Variants in ROBO2 observed in about 807,000 individuals in gnomAD.
ROBO2 encodes roundabout guidance receptor 2, also known as roundabout homolog 2.
ROBO2 carries 53 observed loss-of-function variants against 160.8 expected under a neutral mutation model. The observed-to-expected ratio is 0.33, with a 90% CI of 0.26 to 0.41. ROBO2 has a LOEUF of 0.41. Ranked by LOEUF, ROBO2 falls within the 10% of genes least tolerant of loss-of-function variation. The pLI is 1.00. For missense variants in ROBO2, 1,577 were observed against 1,722.4 expected (o/e 0.92, Z 1.49); for synonymous variants, 664 against 611.7 (o/e 1.09, Z -1.26).
chr3:76,224,294 C>T (rs749006642), intron 2 of ROBO2, among the ~76,000 whole-genome samples: 6 of 152,136 alleles, frequency 3.9e-5, no homozygotes, highest in Non-Finnish European at 5.9e-5. Flanking sequence ...ATCTGAAAAC[C>T]GAGAGAGTTA....
At chr3:76,603,878 A>G (rs923444436) in intron 2 of ROBO2, among the ~76,000 whole-genome samples, 1 of 152,184 alleles carries the variant, frequency 6.6e-6, no homozygotes, top group Non-Finnish European at 1.5e-5. Flanking sequence ...AATTAAATAT[A>G]CATATATATT....
At chr3:77,084,634 G>A (rs114506111) in intron 1 of ROBO2, among the ~76,000 whole-genome samples, 70 of 152,082 alleles carry the variant, frequency 4.6e-4, no homozygotes, top group African/African-American at 1.6e-3. Context: ...TAATAACCTG[G>A]GGAAACCTGG....
chr3:76,310,210 T>C (rs147676706), intron 2 of ROBO2, among the ~76,000 whole-genome samples: 87 of 152,318 alleles, frequency 5.7e-4, no homozygotes, highest in African/African-American at 2.1e-3. Context: ...AACCATACCT[T>C]GTGACCAGCA....
intron 2 of ROBO2, among the ~76,000 whole-genome samples, chr3:76,255,216 C>A: frequency 6.6e-6 from 1 of 152,220 alleles, no homozygotes; most frequent in Non-Finnish European, 1.5e-5. Flanking sequence ...TTACGTTCAT[C>A]AGAAAAAGTT....
chr3:76,366,932 G>C (rs953374574), intron 2 of ROBO2, among the ~76,000 whole-genome samples: 14 of 151,778 alleles, frequency 9.2e-5, no homozygotes, highest in African/African-American at 2.7e-4. Context: ...AGCATATTTT[G>C]TTTTAAACTA....
chr3:76,327,145 A>G (rs1191429685), intron 2 of ROBO2, among the ~76,000 whole-genome samples: 1 of 152,150 alleles, frequency 6.6e-6, no homozygotes, highest in East Asian at 1.9e-4. Context: ...AGCATTTTAT[A>G]AAAGAGCACC....
intron 2 of ROBO2, among the ~76,000 whole-genome samples, chr3:77,371,619 A>G (rs1472053301): frequency 6.6e-6 from 1 of 152,250 alleles, no homozygotes; most frequent in African/African-American, 2.4e-5. Context: ...TTATGAAACT[A>G]AGAAGAAAGT....
intron 2 of ROBO2, among the ~76,000 whole-genome samples, chr3:76,126,033 C>T (rs1177248437): frequency 6.6e-6 from 1 of 152,020 alleles, no homozygotes; most frequent in East Asian, 1.9e-4. Context: ...CACCATGTCT[C>T]TGACCTCTGA....
chr3:76,279,692 G>A (rs1708127190), intron 2 of ROBO2, among the ~76,000 whole-genome samples: 1 of 151,758 alleles, frequency 6.6e-6, no homozygotes, highest in Non-Finnish European at 1.5e-5. Flanking sequence ...GCTTTAATTA[G>A]CGAATATTAG....
At chr3:76,421,240 A>G (rs2075982833) in intron 2 of ROBO2, among the ~76,000 whole-genome samples, 1 of 152,264 alleles carries the variant, frequency 6.6e-6, no homozygotes, top group African/African-American at 2.4e-5. Flanking sequence ...CCATGGATTC[A>G]ACAACCAGCA....
intron 2 of ROBO2, among the ~76,000 whole-genome samples, chr3:76,853,221 A>G (rs1400062508): frequency 6.6e-6 from 1 of 152,100 alleles, no homozygotes; most frequent in African/African-American, 2.4e-5. Flanking sequence ...AAATATTTCC[A>G]GTAATGATAA....
intron 2 of ROBO2, among the ~76,000 whole-genome samples, chr3:76,042,677 C>T (rs1054449549): frequency 3.9e-5 from 6 of 152,004 alleles, no homozygotes; most frequent in African/African-American, 1.5e-4. Flanking sequence ...AAAACCAGGC[C>T]TGGGCCTGTC....
chr3:76,260,570 G>A (rs933213111), intron 2 of ROBO2, among the ~76,000 whole-genome samples: 1 of 151,588 alleles, frequency 6.6e-6, no homozygotes, highest in Admixed American at 6.6e-5. Context: ...CATTGGTGAG[G>A]GTATGAATCC....
intron 2 of ROBO2, among the ~76,000 whole-genome samples, chr3:77,304,884 C>T (rs60045555): frequency 2.0e-5 from 3 of 151,926 alleles, no homozygotes; most frequent in South Asian, 2.1e-4. Flanking sequence ...AGCGTACATA[C>T]GTAAGCTGTA....
At position 75,979,865 on chromosome 3, in the gene ROBO2, G is replaced by A. The variant is rs553548715; in HGVS notation, c.109+42263G>A. ...CTTTAATCCAATATTTAGGAAGTGTGCCATTTAATTTTATGTAAGTTGCTT... is the reference window on the plus strand; with the variant it reads ...CTTTAATCCAATATTTAGGAAGTGTACCATTTAATTTTATGTAAGTTGCTT... On this transcript the variant is annotated intron_variant, in intron 2 of 26. Coordinates refer to the ROBO2 transcript ENST00000487694. 1.5e-4 allele frequency among the ~76,000 whole-genome samples: 22 copies of A among 151,604 alleles called. No individual in the cohort carries two copies. The East Asian group carries it at 4.1e-3, about 28-fold the overall frequency.
intron 2 of ROBO2, among the ~76,000 whole-genome samples, chr3:76,650,156 T>A (rs2091185076): frequency 6.6e-6 from 1 of 151,234 alleles, no homozygotes; most frequent in African/African-American, 2.4e-5. Flanking sequence ...TAAAACAAAA[T>A]AAACAAGCTA....
chr3:77,476,326 T>A (rs1217036530), intron 2 of ROBO2, among the ~76,000 whole-genome samples: 1 of 151,896 alleles, frequency 6.6e-6, no homozygotes, highest in Non-Finnish European at 1.5e-5. Context: ...AGCTGCCTAA[T>A]GTTGATTTCA....
chr3:77,335,315 G>A (rs1441948), intron 2 of ROBO2, among the ~76,000 whole-genome samples: 86,055 of 151,932 alleles, frequency 0.57, 26,479 homozygotes, highest in Non-Finnish European at 0.7. Context: ...GCTGAGGCAC[G>A]AGAATCGCTT....
chr3:77,557,739 G>A (rs1283494878), intron 8 of ROBO2, among the ~76,000 whole-genome samples: 1 of 151,864 alleles, frequency 6.6e-6, no homozygotes, highest in Admixed American at 6.6e-5. Context: ...TATGGCCTTA[G>A]TATAGTATAT....
Sources: allele counts gnomAD v4.1 joint callset (sites outside exome capture counted in the v4.1 genomes callset), GRCh38; gene constraint gnomAD v4.1.1; transcripts MANE v1.5; gene names NCBI Gene and HGNC (gene_info 2026-07-23, HGNC 2026-07-21).